ROBO2: variants seen among roughly 807,000 people sequenced by gnomAD.
ROBO2 encodes roundabout homolog 2.
A neutral mutation model predicts 160.8 loss-of-function variants in ROBO2; 53 were observed. The observed-to-expected ratio is 0.33, with a 90% CI of 0.26 to 0.41. ROBO2 has a LOEUF of 0.41. ROBO2 is among the 10% of genes least tolerant of loss of function. The probability of loss-of-function intolerance (pLI) is 1.00; values close to 1 mark genes in which losing one functional copy is unlikely to be tolerated. For missense variants in ROBO2, 1,577 were observed against 1,722.4 expected, an observed-to-expected ratio of 0.92 and a Z score of 1.49; for synonymous variants, 664 against 611.7, an observed-to-expected ratio of 1.09 and a Z score of -1.26.
intron 2 of ROBO2, among the ~76,000 whole-genome samples, chr3:77,425,378 GA>G (rs1375830092): frequency 6.6e-6 from 1 of 152,130 alleles, no homozygotes; most frequent in Non-Finnish European, 1.5e-5. Context: ...AAAATTAAAA[GA>G]AAAAACATAG....
chr3:76,984,115 C>G (rs533429380), intron 2 of ROBO2, among the ~76,000 whole-genome samples: 2 of 152,184 alleles, frequency 1.3e-5, no homozygotes, highest in East Asian at 3.9e-4. Context: ...AACCGCCCCC[C>G]GGGATCCAGT....
intron 21 of ROBO2, among the ~76,000 whole-genome samples, chr3:77,614,489 T>C (rs1242558710): frequency 6.6e-6 from 1 of 152,156 alleles, no homozygotes; most frequent in African/African-American, 2.4e-5. Flanking sequence ...TAATGTCTAA[T>C]ATTATAGTAG....
chr3:76,846,662 T>C (rs977263084), intron 2 of ROBO2, among the ~76,000 whole-genome samples: 1 of 152,178 alleles, frequency 6.6e-6, no homozygotes, highest in Non-Finnish European at 1.5e-5. Flanking sequence ...TTACTGGCTC[T>C]TCAGAGATTA....
chr3:75,961,080 T>C (rs1948893869), intron 2 of ROBO2, among the ~76,000 whole-genome samples: 1 of 151,594 alleles, frequency 6.6e-6, no homozygotes, highest in Admixed American at 6.6e-5. Flanking sequence ...ATATAAAGGG[T>C]TCATAATAAA....
At chr3:77,174,395 G>C (rs959321397) in intron 2 of ROBO2, among the ~76,000 whole-genome samples, 1 of 151,778 alleles carries the variant, frequency 6.6e-6, no homozygotes, top group African/African-American at 2.4e-5. Context: ...ATATTAGCCC[G>C]TATTAATAGG....
chr3:77,341,219 G>C lies in ROBO2; in HGVS notation c.389-136195G>C, dbSNP rs1235048813. Reference sequence around the variant, plus strand: ...CAAGTTTGCCGATTCCATTGTTTGAGTACTAGCATATAAGAGGTTAATTCC... The same window carrying C: ...CAAGTTTGCCGATTCCATTGTTTGACTACTAGCATATAAGAGGTTAATTCC... On this transcript the variant is annotated intron_variant, in intron 2 of 25. Coordinates refer to ENST00000461745, the Ensembl canonical transcript of ROBO2. Among the ~76,000 whole-genome samples the C allele has an allele frequency of 3.3e-5, 5 of 151,936 alleles. No homozygotes were observed. The East Asian group carries it at 9.7e-4, about 29-fold the overall frequency.
chr3:77,227,537 C>A (rs2086636995), intron 2 of ROBO2, among the ~76,000 whole-genome samples: 1 of 152,168 alleles, frequency 6.6e-6, no homozygotes, highest in Admixed American at 6.5e-5. Flanking sequence ...AAACACCCAG[C>A]ACAGCCCATT....
intron 2 of ROBO2, among the ~76,000 whole-genome samples, chr3:77,208,867 T>C (rs987286797): frequency 6.6e-6 from 1 of 152,180 alleles, no homozygotes; most frequent in Non-Finnish European, 1.5e-5. Context: ...CATTGGGCTG[T>C]GTAGGTTAAA....
At chr3:76,712,444 G>T (rs925231178) in intron 2 of ROBO2, among the ~76,000 whole-genome samples, 26 of 152,126 alleles carry the variant, frequency 1.7e-4, no homozygotes, top group African/African-American at 4.8e-5. Flanking sequence ...GGAGGCCGAG[G>T]TGGGCGGATC....
chr3:77,548,808 G>C (rs192881419), intron 7 of ROBO2, among the ~76,000 whole-genome samples: 47 of 152,006 alleles, frequency 3.1e-4, no homozygotes, highest in Non-Finnish European at 5.2e-4. Flanking sequence ...GAGAGAGAGA[G>C]AGAGAAAGAG....
At position 75,927,877 on chromosome 3, in the gene ROBO2, T is replaced by C. The variant is rs187373933; in HGVS notation, c.-13-9604T>C. 1.6e-3 allele frequency among the ~76,000 whole-genome samples: 249 copies of C among 152,252 alleles called. 1 individual carries two copies. The highest frequency in any genetic ancestry group is 5.8e-3 in the African/African-American group (239 of 41,556). On this transcript the variant is annotated intron_variant, in intron 1 of 26. Coordinates refer to the ROBO2 transcript ENST00000487694. ...ATGTTTGTCTTGTTTGGAGTCTGTATAGAAAAAGTGTGATAACTGAAGATA... is the reference window on the plus strand; with the variant it reads ...ATGTTTGTCTTGTTTGGAGTCTGTACAGAAAAAGTGTGATAACTGAAGATA...
chr3:77,566,323 G>C (rs2093478917), intron 12 of ROBO2, among the ~76,000 whole-genome samples: 1 of 151,880 alleles, frequency 6.6e-6, no homozygotes, highest in Non-Finnish European at 1.5e-5. Context: ...AGGGCCTGTA[G>C]GTAAAGAACC....
intron 2 of ROBO2, among the ~76,000 whole-genome samples, chr3:77,143,153 C>T (rs1323589547): frequency 6.9e-6 from 1 of 144,042 alleles, no homozygotes; most frequent in African/African-American, 2.5e-5. Flanking sequence ...ACCTACCAGA[C>T]ACCATTTTCT....
At chr3:77,011,054 C>CTTTTCTTTCT (rs367569139) in intron 2 of ROBO2, among the ~76,000 whole-genome samples, 2 of 106,746 alleles carry the variant, frequency 1.9e-5, no homozygotes, top group African/African-American at 3.7e-5. Context: ...TTCTTTCTTT[C>CTTTTCTTTCT]TTCTTTCTTT....
chr3:77,427,013 A>T (rs1407701460), intron 2 of ROBO2, among the ~76,000 whole-genome samples: 1 of 151,006 alleles, frequency 6.6e-6, no homozygotes, highest in African/African-American at 2.4e-5. Flanking sequence ...CGAACTTCAT[A>T]TTTTAATTTA....
intron 2 of ROBO2, among the ~76,000 whole-genome samples, chr3:76,308,117 G>A (rs1271570041): frequency 6.6e-6 from 1 of 152,028 alleles, no homozygotes; most frequent in Non-Finnish European, 1.5e-5. Flanking sequence ...GGTGGCTCAC[G>A]CTTGTAATCC....
chr3:76,979,410 T>C (rs986251808), intron 2 of ROBO2, among the ~76,000 whole-genome samples: 1 of 152,110 alleles, frequency 6.6e-6, no homozygotes, highest in Non-Finnish European at 1.5e-5. Flanking sequence ...TTATTTCACA[T>C]TGTATGACCA....
At chr3:76,496,848 T>G (rs555631474) in intron 2 of ROBO2, among the ~76,000 whole-genome samples, 1 of 152,316 alleles carries the variant, frequency 6.6e-6, no homozygotes, top group South Asian at 2.1e-4. Flanking sequence ...GGCATCCCAA[T>G]CCACCATCTA....
chr3:76,096,164 G>T (rs927620098), intron 2 of ROBO2, among the ~76,000 whole-genome samples: 1 of 152,020 alleles, frequency 6.6e-6, no homozygotes, highest in Non-Finnish European at 1.5e-5. Flanking sequence ...GTGATTCTGG[G>T]CCATCTTCCA....
Sources: gnomAD v4.1 joint callset for allele counts (sites outside exome capture counted in the v4.1 genomes callset) on GRCh38, gnomAD v4.1.1 for gene constraint, MANE v1.5 for transcripts, NCBI Gene and HGNC (gene_info 2026-07-23, HGNC 2026-07-21) for gene names.